Variants in SCYGR6 observed in about 807,000 individuals in gnomAD.
SCYGR6 encodes small cysteine and glycine repeat-containing protein 6.
chr2:227,724,553 A>T, exon 1 of SCYGR6: 1 of 398,362 alleles, frequency 2.5e-6, no homozygotes, highest in Non-Finnish European at 4.4e-6. Context: ...GTGCGGCGGC[A>T]GCAACAGATC....
exon 1 of SCYGR6, chr2:227,724,531 C>A (rs1300935255): frequency 1.0e-5 from 4 of 398,272 alleles, no homozygotes; most frequent in Non-Finnish European, 1.3e-5. Context: ...GCCGCAGCCA[C>A]ATGAGTGGCA....
At chr2:227,724,535 A>G in exon 1 of SCYGR6, 1 of 398,688 alleles carries the variant, frequency 2.5e-6, no homozygotes, top group Non-Finnish European at 4.4e-6. Context: ...CAGCCACATG[A>G]GTGGCAGGTG....
chr2:227,724,585 C>T (rs1294234140), exon 1 of SCYGR6: 8 of 399,356 alleles, frequency 2.0e-5, no homozygotes, highest in Non-Finnish European at 3.1e-5. Flanking sequence ...GCAGCAGCCT[C>T]CACAGCAGCC....
chr2:227,724,673 C>CACA (rs1696529570), exon 1 of SCYGR6: 2 of 408,174 alleles, frequency 4.9e-6, no homozygotes, highest in Admixed American at 8.8e-5. Flanking sequence ...CAGCCACCAC[C>CACA]GCAGCCACCA....
At position 227,724,488 on chromosome 2, in the gene SCYGR6, C is replaced by T. The variant is rs550175766; in HGVS notation, c.270G>A (p.Lys90=). ...AGCAGCCCTTCTGCTGACAGCAGCC[C>T]TTCTGCTGGCAACAGCCCTTCCCAC... The change falls in exon 1 of 1, where the codon AAG becomes AAA. Residue 90 remains lysine (K), a synonymous_variant. Transcript: ENST00000641918. The T allele has an allele frequency of 9.4e-3, 3,727 of 396,586 alleles. 29 individuals are homozygous for T. The highest frequency in any genetic ancestry group is 0.012 in the Non-Finnish European group (2,662 of 225,524). The allele number at this position is 396,586 out of a possible 1,614,324, so 24.6% of individuals were successfully genotyped here. A position where few individuals can be genotyped will look rare whatever the true frequency, so the allele number is the denominator to read the frequency against.
exon 1 of SCYGR6, chr2:227,724,508 T>C (rs951447441): frequency 1.3e-5 from 5 of 398,752 alleles, no homozygotes; most frequent in African/African-American, 4.1e-5. Flanking sequence ...CAACAGCCCT[T>C]CCCACAGCCA....
chr2:227,724,698 G>T lies in SCYGR6; in HGVS notation c.60C>A (p.Cys20Ter), dbSNP rs1038457845. The T allele has an allele frequency of 9.7e-6, 4 of 410,400 alleles. No individual in the cohort carries two copies. The highest frequency in any genetic ancestry group is 1.2e-4 in the South Asian group (1 of 8,670). The allele number at this position is 410,400 out of a possible 1,614,324, so 25.4% of individuals were successfully genotyped here. A position where few individuals can be genotyped will look rare whatever the true frequency, so the allele number is the denominator to read the frequency against. The change falls in exon 1 of 1, where the codon TGC becomes TGA. Residue 20 changes from cysteine (C) to a stop codon, truncating the protein, a stop_gained. Coordinates refer to ENST00000641918, the Ensembl canonical transcript of SCYGR6. LOFTEE classifies it low-confidence loss of function (END_TRUNC). ...CGCAGCCACCACCACAGCCACCACT[G>T]CAGCCACCACCGCAGCCACCGCAGC...
At chr2:227,724,682 C>A (rs1399885228) in exon 1 of SCYGR6, 13 of 408,826 alleles carry the variant, frequency 3.2e-5, no homozygotes, top group Non-Finnish European at 5.1e-5. Context: ...CCGCAGCCAC[C>A]ACCACAGCCA....
In SCYGR6 at chr2:227,724,673, CGCAGCCACCACCACAGCCACCACT is replaced by C. The variant is rs879242601; in HGVS notation, c.61_84del (p.Ser21_Cys28del). The C allele has an allele frequency of 2.4e-4, 99 of 408,178 alleles. 1 individual carries two copies. The highest frequency in any genetic ancestry group is 1.2e-3 in the East Asian group (35 of 28,326). The allele number at this position is 408,178 out of a possible 1,614,324, so 25.3% of individuals were successfully genotyped here. The stretch of plus-strand genomic sequence containing the variant: ...GTGGTGCAGCTGCCACAGCCACCAC[CGCAGCCACCACCACAGCCACCACT>C]GCAGCCACCACCGCAGCCACCGCAG... On this transcript the variant is annotated inframe_deletion, in exon 1 of 1. Transcript: ENST00000641918.
exon 1 of SCYGR6, chr2:227,724,497 G>A (rs1253634382): frequency 3.8e-5 from 15 of 396,124 alleles, no homozygotes; most frequent in Non-Finnish European, 4.9e-5. Flanking sequence ...CCTTCTGCTG[G>A]CAACAGCCCT....
At chr2:227,724,492 T>G (rs1228742029) in exon 1 of SCYGR6, 2 of 394,252 alleles carry the variant, frequency 5.1e-6, no homozygotes, top group African/African-American at 4.4e-5. Flanking sequence ...GCAGCCCTTC[T>G]GCTGGCAACA....
At chr2:227,724,659 G>GCCACAGCTACCA (rs1553578509) in exon 1 of SCYGR6, 2 of 402,818 alleles carry the variant, frequency 5.0e-6, no homozygotes, top group Non-Finnish European at 8.7e-6. Flanking sequence ...TGGTGCAGCT[G>GCCACAGCTACCA]CCACAGCCAC....
chr2:227,724,659 G>GCCACAGCTACCACCGCAGCCACCA, exon 1 of SCYGR6: 1 of 402,818 alleles, frequency 2.5e-6, no homozygotes, highest in Non-Finnish European at 4.3e-6. Context: ...TGGTGCAGCT[G>GCCACAGCTACCACCGCAGCCACCA]CCACAGCCAC....
chr2:227,724,662 ACAGCCACCACCG>A (rs1365249069), exon 1 of SCYGR6: 3 of 403,930 alleles, frequency 7.4e-6, no homozygotes, highest in Admixed American at 4.4e-5. Context: ...TGCAGCTGCC[ACAGCCACCACCG>A]CAGCCACCAC....
exon 1 of SCYGR6, chr2:227,724,442 A>G (rs1171279556): frequency 2.5e-6 from 1 of 397,412 alleles, no homozygotes; most frequent in Non-Finnish European, 4.4e-6. Context: ...TGGCCCGCCT[A>G]GCAGCAGCAT....
chr2:227,724,641 C>T, exon 1 of SCYGR6: 1 of 401,560 alleles, frequency 2.5e-6, no homozygotes, highest in Non-Finnish European at 4.4e-6. Context: ...CCCGGTAGCA[C>T]CTGCAGGTGG....
At chr2:227,724,660 C>T in exon 1 of SCYGR6, 1 of 404,216 alleles carries the variant, frequency 2.5e-6, no homozygotes, top group Non-Finnish European at 4.3e-6. Flanking sequence ...GGTGCAGCTG[C>T]CACAGCCACC....
At chr2:227,724,478 G>GACA (rs1696523005) in exon 1 of SCYGR6, 2 of 360,272 alleles carry the variant, frequency 5.6e-6, no homozygotes, top group East Asian at 4.2e-5. Flanking sequence ...CCCTTCTGCT[G>GACA]ACAGCAGCCC....
exon 1 of SCYGR6, chr2:227,724,715 C>A: frequency 2.4e-6 from 1 of 411,628 alleles, no homozygotes; most frequent in Non-Finnish European, 4.2e-6. Context: ...CCACCGCAGC[C>A]ACCGCAGCCA....
Sources: gnomAD v4.1 joint callset for allele counts on GRCh38, gnomAD v4.1.1 for gene constraint, MANE v1.5 for transcripts, NCBI Gene and HGNC (gene_info 2026-07-23, HGNC 2026-07-21) for gene names.